BBX: variants seen among roughly 807,000 people sequenced by gnomAD.
BBX encodes BBX high mobility group box domain containing.
Under a neutral mutation model 100.2 loss-of-function variants are expected in BBX, and 30 were observed. The ratio of observed to expected loss-of-function variants is 0.30; its 90% CI spans 0.22 to 0.41. The LOEUF (loss-of-function observed/expected upper bound fraction) is 0.41. Among genes scored for constraint, BBX ranks in the 10% least tolerant of loss-of-function variants. The probability of loss-of-function intolerance (pLI) is 1.00; values close to 1 mark genes in which losing one functional copy is unlikely to be tolerated. For synonymous variants in BBX, 376 were observed against 388.1 expected (o/e 0.97, Z 0.37); for missense variants, 1,023 against 1,129.8 (o/e 0.91, Z 1.35).
chr3:107,671,198 C>T (rs141999469), intron 3 of BBX, among the ~76,000 whole-genome samples: 2 of 151,622 alleles, frequency 1.3e-5, no homozygotes, highest in African/African-American at 2.4e-5. Flanking sequence ...TTGACTCAGC[C>T]GAGTGTCTGC....
chr3:107,536,963 A>G (rs1255258448), intron 2 of BBX, among the ~76,000 whole-genome samples: 6 of 152,228 alleles, frequency 3.9e-5, no homozygotes, highest in Non-Finnish European at 8.8e-5. Flanking sequence ...CATAGGCGCT[A>G]GACCTTGAAA....
chr3:107,730,809 A>G (rs1418081629), intron 6 of BBX, among the ~76,000 whole-genome samples: 2 of 152,204 alleles, frequency 1.3e-5, no homozygotes, highest in Admixed American at 6.5e-5. Flanking sequence ...CATATAGTGG[A>G]TAACATTGAT....
chr3:107,810,834 T>C lies in BBX; in HGVS notation c.*5377T>C, dbSNP rs1051899930. On this transcript the variant is annotated 3_prime_UTR_variant, in exon 18 of 18. Coordinates refer to ENST00000325805, the MANE Select transcript of BBX (RefSeq NM_001142568.3). Reference sequence around the variant, plus strand: ...CGTAGGTTTGAATTGCTTACTCACATGTCATAAATTAACCACAGCTTCATT... The same window carrying C: ...CGTAGGTTTGAATTGCTTACTCACACGTCATAAATTAACCACAGCTTCATT... The C allele has an allele frequency of 1.3e-5, 2 of 152,226 alleles. No homozygotes were observed. The highest frequency in any genetic ancestry group is 2.4e-5 in the African/African-American group (1 of 41,466). 9.4% of individuals were successfully genotyped at this position (152,226 alleles called of 1,614,324 possible).
At chr3:107,627,704 T>A (rs924183754) in intron 2 of BBX, among the ~76,000 whole-genome samples, 1 of 152,064 alleles carries the variant, frequency 6.6e-6, no homozygotes, top group African/African-American at 2.4e-5. Context: ...CATATCTCAC[T>A]ATTGATAGTG....
chr3:107,798,316 T>G (rs950787829), intron 15 of BBX, among the ~76,000 whole-genome samples: 1 of 152,222 alleles, frequency 6.6e-6, no homozygotes, highest in African/African-American at 2.4e-5. Context: ...CTTAATTCAC[T>G]GCATTTAATT....
chr3:107,529,592 T>A (rs1268405138), intron 2 of BBX, among the ~76,000 whole-genome samples: 1 of 152,246 alleles, frequency 6.6e-6, no homozygotes, highest in Non-Finnish European at 1.5e-5. Flanking sequence ...ATTCAGTCAC[T>A]GGGTGTTGTA....
rs553203202 is a variant in BBX at position 107,527,517 on chromosome 3, T to TA, written c.-84+1120dup. 5.2e-3 allele frequency among the ~76,000 whole-genome samples: 791 copies of TA among 152,344 alleles called. 2 individuals carry two copies. Among genetic ancestry groups the TA allele is most frequent in the Non-Finnish European group, 7.8e-3 (528 of 68,026 alleles). On this transcript the variant is annotated intron_variant, in intron 2 of 17. Transcript: ENST00000325805. ...GAGTTAGAGGACTAGACCTTTCTGG[T>TA]AGTGTCCATTTGGTAACAAAATATA...
At chr3:107,692,258 A>G (rs1045578976) in intron 3 of BBX, among the ~76,000 whole-genome samples, 1 of 151,722 alleles carries the variant, frequency 6.6e-6, no homozygotes. Context: ...GGTTAGTTAC[A>G]TATGTATACA....
intron 2 of BBX, among the ~76,000 whole-genome samples, chr3:107,532,271 A>G (rs1399917889): frequency 1.3e-5 from 2 of 152,178 alleles, no homozygotes; most frequent in African/African-American, 4.8e-5. Context: ...TAACAGACAG[A>G]TAAATTATGC....
At chr3:107,627,181 C>G (rs527366905) in intron 2 of BBX, among the ~76,000 whole-genome samples, 1 of 152,148 alleles carries the variant, frequency 6.6e-6, no homozygotes, top group Non-Finnish European at 1.5e-5. Flanking sequence ...CCTTATCTTA[C>G]CGGATTACTG....
At chr3:107,801,994 G>A (rs1167243998) in intron 17 of BBX, among the ~76,000 whole-genome samples, 2 of 152,226 alleles carry the variant, frequency 1.3e-5, no homozygotes, top group Non-Finnish European at 1.5e-5. Flanking sequence ...GATCATAGAT[G>A]TGAAAACCCT....
At chr3:107,526,513 T>C (rs897423792) in intron 2 of BBX, 115 bp downstream of exon 2, 4 of 396,042 alleles carry the variant, frequency 1.0e-5, no homozygotes, top group African/African-American at 8.2e-5. Flanking sequence ...CCCAGAAACC[T>C]TGTCTCACTG....
intron 2 of BBX, among the ~76,000 whole-genome samples, chr3:107,629,326 T>C (rs1004833377): frequency 3.9e-5 from 6 of 152,178 alleles, no homozygotes; most frequent in Non-Finnish European, 8.8e-5. Flanking sequence ...CATGAATATA[T>C]AAATCCCAAC....
At chr3:107,555,204 TTCTC>T (rs1272697183) in intron 2 of BBX, among the ~76,000 whole-genome samples, 8 of 152,364 alleles carry the variant, frequency 5.3e-5, no homozygotes, top group African/African-American at 1.4e-4. Context: ...ACCTCCTATC[TTCTC>T]TCTATTTGCA....
chr3:107,706,962 T>C (rs1489081168), intron 3 of BBX, among the ~76,000 whole-genome samples: 1 of 152,186 alleles, frequency 6.6e-6, no homozygotes, highest in Non-Finnish European at 1.5e-5. Flanking sequence ...CCTTCACTGT[T>C]TTGCCTTCTT....
At chr3:107,632,893 C>A (rs889301795) in intron 2 of BBX, among the ~76,000 whole-genome samples, 1 of 152,090 alleles carries the variant, frequency 6.6e-6, no homozygotes, top group Non-Finnish European at 1.5e-5. Context: ...CTGACAAATC[C>A]TTTTGCTCTT....
In BBX at chr3:107,710,507, G is replaced by A; in HGVS notation, c.47G>A (p.Gly16Glu). Reference sequence around the variant, plus strand: ...AAGGATCATTCAGCAGAAGGAGAAGGGGTTGGAAAACGACCAAAACGAAAG... The same window carrying A: ...AAGGATCATTCAGCAGAAGGAGAAGAGGTTGGAAAACGACCAAAACGAAAG... Reference protein sequence around the residue: ...RNKDHSAEGEGVGKRPKRKCL... With the variant: ...RNKDHSAEGEEVGKRPKRKCL... The change falls in exon 4 of 18, where the codon GGG becomes GAG. Residue 16 changes from glycine (G) to glutamate (E), a missense_variant. Physicochemically the swap from Gly to Glu is moderately conservative, Grantham distance 98 (BLOSUM62 -2). Coordinates refer to ENST00000325805, the MANE Select transcript of BBX (RefSeq NM_001142568.3). 1 of 1,613,576 alleles carries A rather than the reference G, an allele frequency of 6.2e-7. No homozygotes were observed. Among genetic ancestry groups the A allele is most frequent in the Non-Finnish European group, 8.5e-7 (1 of 1,179,754 alleles).
intron 3 of BBX, among the ~76,000 whole-genome samples, chr3:107,676,082 A>G (rs928656228): frequency 6.6e-6 from 1 of 152,182 alleles, no homozygotes; most frequent in Non-Finnish European, 1.5e-5. Flanking sequence ...TCTGTTTTAC[A>G]ATGTGGGAAT....
chr3:107,575,212 A>C (rs1402982521), intron 2 of BBX, among the ~76,000 whole-genome samples: 1 of 152,160 alleles, frequency 6.6e-6, no homozygotes, highest in Non-Finnish European at 1.5e-5. Flanking sequence ...AAATAGTAAA[A>C]TCCTCCACCG....
Sources: gnomAD v4.1 joint callset for allele counts (sites outside exome capture counted in the v4.1 genomes callset) on GRCh38, gnomAD v4.1.1 for gene constraint, MANE v1.5 for transcripts, NCBI Gene and HGNC (gene_info 2026-07-23, HGNC 2026-07-21) for gene names.